Variants in ZNG1A observed in about 807,000 individuals in gnomAD.
ZNG1A encodes Zn regulated GTPase metalloprotein activator 1A.
At chr9:161,729 A>T in the ZNG1A span, 2 of 613,666 alleles carry the variant, frequency 3.3e-6, no homozygotes, top group East Asian at 6.7e-5. Context: ...GCATTTTATA[A>T]ATTAAACCTC....
chr9:177,645 G>T, the ZNG1A span: 2 of 1,465,048 alleles, frequency 1.4e-6, no homozygotes, highest in Non-Finnish European at 1.9e-6. Flanking sequence ...ACTATCCCTA[G>T]ATTCAGCAAC....
the ZNG1A span, chr9:121,206 A>G: frequency 0.18 from 79,129 of 427,956 alleles, 2,763 homozygotes; most frequent in East Asian, 0.29. Flanking sequence ...TTTCATGTTC[A>G]GTATATGTAA....
the ZNG1A span, chr9:122,687 CTT>C: frequency 4.3e-6 from 4 of 940,236 alleles, no homozygotes; most frequent in Non-Finnish European, 5.1e-6. Flanking sequence ...TTACCAAAAA[CTT>C]TGTGCACACT....
chr9:178,556 T>G, the ZNG1A span, among the ~76,000 whole-genome samples: 1 of 110,606 alleles, frequency 9.0e-6, no homozygotes, highest in Admixed American at 9.2e-5. Flanking sequence ...GGGGGGCGTG[T>G]CTTAGCGTCA....
the ZNG1A span, among the ~76,000 whole-genome samples, chr9:130,042 T>C: frequency 6.6e-6 from 1 of 151,274 alleles, no homozygotes; most frequent in Non-Finnish European, 1.5e-5. Flanking sequence ...AATAACGCAA[T>C]GGTAAGTATT....
At chr9:166,830 T>C in the ZNG1A span, 1 of 151,794 alleles carries the variant, frequency 6.6e-6, no homozygotes, top group African/African-American at 2.4e-5. Flanking sequence ...TCACAGTAAA[T>C]GCAAAGGTAA....
At chr9:128,114 CTT>C in the ZNG1A span, among the ~76,000 whole-genome samples, 1 of 152,026 alleles carries the variant, frequency 6.6e-6, no homozygotes, top group African/African-American at 2.4e-5. Context: ...TTTCACAGCT[CTT>C]TCTTTCATCT....
chr9:124,989 G>C, the ZNG1A span, among the ~76,000 whole-genome samples: 1 of 152,178 alleles, frequency 6.6e-6, no homozygotes, highest in Non-Finnish European at 1.5e-5. Flanking sequence ...CCACGTTTTT[G>C]CAATTGCCAA....
chr9:148,030 A>C, the ZNG1A span: 1 of 148,710 alleles, frequency 6.7e-6, no homozygotes, highest in Non-Finnish European at 1.5e-5. Context: ...GTCTCAAACC[A>C]GAGTGAGATT....
the ZNG1A span, among the ~76,000 whole-genome samples, chr9:133,405 A>G: frequency 1.3e-5 from 2 of 149,368 alleles, no homozygotes; most frequent in Non-Finnish European, 1.5e-5. Context: ...AGGTACATAC[A>G]GGCTCATTAT....
the ZNG1A span, among the ~76,000 whole-genome samples, chr9:143,700 T>C: frequency 2.4e-5 from 3 of 123,208 alleles, 1 homozygote; most frequent in African/African-American, 3.5e-5. Context: ...GCCAGGGCAA[T>C]TAGGCAGGAG....
chr9:169,364 G>T, the ZNG1A span, among the ~76,000 whole-genome samples: 2 of 147,634 alleles, frequency 1.4e-5, no homozygotes, highest in South Asian at 4.4e-4. Flanking sequence ...CTAATGAGAA[G>T]TTGTTTCTTA....
the ZNG1A span, chr9:159,996 T>C: frequency 2.2e-6 from 1 of 444,678 alleles, no homozygotes; most frequent in Non-Finnish European, 4.5e-6. Context: ...AACCTCTCAC[T>C]TGACCTTCTC....
the ZNG1A span, among the ~76,000 whole-genome samples, chr9:169,040 T>C: frequency 6.6e-6 from 1 of 152,058 alleles, no homozygotes; most frequent in Non-Finnish European, 1.5e-5. Flanking sequence ...ATTTAAGAAA[T>C]ATATTTCATA....
At chr9:168,339 G>A in the ZNG1A span, among the ~76,000 whole-genome samples, 2 of 151,920 alleles carry the variant, frequency 1.3e-5, no homozygotes, top group East Asian at 1.9e-4. Context: ...TGCCACCTCC[G>A]TCTCCCGGGT....
chr9:131,404 A>G, the ZNG1A span, among the ~76,000 whole-genome samples: 3 of 150,598 alleles, frequency 2.0e-5, no homozygotes, highest in Non-Finnish European at 4.4e-5. Context: ...TTTTGCAAAC[A>G]ATACCTAGCA....
chr9:157,030 A>G, the ZNG1A span, among the ~76,000 whole-genome samples: 1 of 134,456 alleles, frequency 7.4e-6, no homozygotes, highest in Non-Finnish European at 1.6e-5. Flanking sequence ...GCCCACAATC[A>G]TGCACCACGT....
At chr9:165,541 A>T in the ZNG1A span, among the ~76,000 whole-genome samples, 1 of 136,840 alleles carries the variant, frequency 7.3e-6, no homozygotes, top group African/African-American at 3.1e-5. Flanking sequence ...CTCTCAAATC[A>T]GGGTGCTTTT....
the ZNG1A span, among the ~76,000 whole-genome samples, chr9:142,198 G>A: frequency 6.8e-6 from 1 of 147,136 alleles, no homozygotes; most frequent in Non-Finnish European, 1.5e-5. Flanking sequence ...AGACCTAATA[G>A]ACATCTACAG....
Sources: gnomAD v4.1 joint callset for allele counts (sites outside exome capture counted in the v4.1 genomes callset) on GRCh38, gnomAD v4.1.1 for gene constraint, MANE v1.5 for transcripts, NCBI Gene and HGNC (gene_info 2026-07-23, HGNC 2026-07-21) for gene names.